Variants in COL4A2 observed in about 807,000 individuals in gnomAD.
COL4A2 encodes the protein collagen type IV alpha 2 chain.
A neutral mutation model predicts 200.2 loss-of-function variants in COL4A2; 99 were observed. That is an observed-to-expected ratio of 0.49 (90% confidence interval 0.42 to 0.58). COL4A2 has a LOEUF of 0.58. COL4A2 is among the 20% of genes least tolerant of loss of function. The pLI, the probability that COL4A2 is intolerant of heterozygous loss-of-function variation, is 0.00. For synonymous variants in COL4A2, 897 were observed against 900.6 expected (o/e 1.00, Z 0.07); for missense variants, 1,950 against 2,314.1 (o/e 0.84, Z 3.23).
rs1189130473 is a variant in COL4A2, at chr13:110,480,388, A to G, written c.2756A>G (p.Lys919Arg). Residue 919 changes from lysine to arginine, a missense_variant and splice_region_variant, in exon 31 of 48, where the codon AAA becomes AGA. Lys to Arg is a conservative substitution (Grantham distance 26). Around this residue, in one of 2 missense-constraint regions of COL4A2, gnomAD observed 1,385 missense variants for 1,720.5 expected, o/e 0.80. Coordinates refer to ENST00000360467, the MANE Select transcript of COL4A2 (RefSeq NM_001846.4). ...GGAATGCCTGGGACCCCCGGGCTAA[A>G]AGGTAATTGTGTGACTGTGACCAGG... ...IDGMPGTPGLKGDRGSPGMDG... is the reference protein window; with the variant it reads ...IDGMPGTPGLRGDRGSPGMDG... 3 of 1,610,618 alleles carry G rather than the reference A, an allele frequency of 1.9e-6. No individual in the cohort carries two copies. The highest frequency in any genetic ancestry group is 2.5e-6 in the Non-Finnish European group (3 of 1,178,572).
At chr13:110,488,536 G>A (rs564401839) in intron 34 of COL4A2, among the ~76,000 whole-genome samples, 9 of 152,274 alleles carry the variant, frequency 5.9e-5, no homozygotes, top group African/African-American at 2.2e-4. Context: ...GTGTCTTTCT[G>A]GAGAAGTCTC....
At chr13:110,493,589 G>A (rs1192317099) in intron 39 of COL4A2, among the ~76,000 whole-genome samples, 1 of 152,178 alleles carries the variant, frequency 6.6e-6, no homozygotes, top group Non-Finnish European at 1.5e-5. Flanking sequence ...AGGGTGGGAT[G>A]CACCTGCGCC....
At chr13:110,492,037 TG>T in intron 37 of COL4A2, 32 bp from the exon 38 acceptor site, 1 of 1,536,500 alleles carries the variant, frequency 6.5e-7, no homozygotes, top group Non-Finnish European at 8.8e-7. Flanking sequence ...AGGTGTCCTG[TG>T]TGCTCAGACT....
intron 4 of COL4A2, among the ~76,000 whole-genome samples, chr13:110,360,958 G>T (rs1877488664): frequency 1.3e-5 from 2 of 152,258 alleles, no homozygotes; most frequent in Admixed American, 1.3e-4. Flanking sequence ...AGTCACTGGA[G>T]TGTGTTAACA....
At chr13:110,430,164 C>G in intron 8 of COL4A2, 1 of 677,506 alleles carries the variant, frequency 1.5e-6, no homozygotes, top group Non-Finnish European at 2.2e-6. Flanking sequence ...TTCCCATATT[C>G]ACAATACTCC....
At chr13:110,509,357 C>T (rs1385164378) in intron 47 of COL4A2, among the ~76,000 whole-genome samples, 2 of 149,444 alleles carry the variant, frequency 1.3e-5, no homozygotes, top group East Asian at 2.0e-4. Context: ...AAAAAAAATC[C>T]GGATTCTAGG....
chr13:110,482,895 A>G (rs919192597), intron 32 of COL4A2, among the ~76,000 whole-genome samples: 1 of 152,226 alleles, frequency 6.6e-6, no homozygotes, highest in Non-Finnish European at 1.5e-5. Context: ...CTTGAGAACC[A>G]AAATGATGGC....
intron 3 of COL4A2, among the ~76,000 whole-genome samples, chr13:110,308,881 G>C (rs1184856354): frequency 6.6e-6 from 1 of 152,218 alleles, no homozygotes; most frequent in African/African-American, 2.4e-5. Flanking sequence ...AAATGAAGAG[G>C]TTTGGTAGGT....
intron 13 of COL4A2, among the ~76,000 whole-genome samples, chr13:110,437,285 A>G (rs1360589972): frequency 6.6e-6 from 1 of 152,176 alleles, no homozygotes; most frequent in Non-Finnish European, 1.5e-5. Flanking sequence ...GCCTCTGTCC[A>G]GCTTCTGGAC....
At chr13:110,327,123 C>T (rs1403729052) in intron 3 of COL4A2, among the ~76,000 whole-genome samples, 1 of 152,198 alleles carries the variant, frequency 6.6e-6, no homozygotes, top group Non-Finnish European at 1.5e-5. Flanking sequence ...CACACACACA[C>T]CCCTCCTGCT....
At position 110,512,426 on chromosome 13, in the gene COL4A2, A is replaced by C; in HGVS notation, c.*235A>C. 4.5e-6 allele frequency: 3 copies of C among 660,706 alleles called. No homozygotes were observed. The highest frequency in any genetic ancestry group is 7.5e-6 in the Non-Finnish European group (3 of 401,226). The allele number at this position is 660,706 out of a possible 1,614,324, so 40.9% of individuals were successfully genotyped here. A position where few individuals can be genotyped will look rare whatever the true frequency, so the allele number is the denominator to read the frequency against. ...AAAGCCAGGAGCAGCCCTGGCCCCC[A>C]TCAGCCCTGCTAGACGCACCGCCTG... On this transcript the variant is annotated 3_prime_UTR_variant, in exon 48 of 48. Coordinates refer to ENST00000360467, the MANE Select transcript of COL4A2 (RefSeq NM_001846.4).
chr13:110,429,817 A>G (rs1880607127), intron 7 of COL4A2, 68 bp from the exon 8 acceptor site: 3 of 1,496,830 alleles, frequency 2.0e-6, no homozygotes, highest in East Asian at 2.3e-5. Flanking sequence ...CCACATTACC[A>G]TAGCTGCACC....
At chr13:110,334,123 T>C (rs2139364670) in intron 3 of COL4A2, among the ~76,000 whole-genome samples, 1 of 152,340 alleles carries the variant, frequency 6.6e-6, no homozygotes, top group African/African-American at 2.4e-5. Flanking sequence ...AGACACGGCC[T>C]GAACACAGAG....
Position 110,485,005 on chromosome 13 carries a change from G to A in COL4A2, c.3003G>A (p.Leu1001=). 1 of 1,605,956 alleles carries A rather than the reference G, an allele frequency of 6.2e-7. No individual in the cohort carries two copies. The part of the protein sequence containing the change: ...GEKGDEGPMG[L]KGYLGAKGIQ... ...AAGGAGATGAAGGGCCTATGGGGCT[G>A]AAAGGATACCTGGGCGCAAAAGGTG... is the stretch of plus-strand genomic sequence containing the variant. The change falls in exon 33 of 48, where the codon CTG becomes CTA. Residue 1001 remains leucine, a synonymous_variant. Coordinates refer to ENST00000360467, the MANE Select transcript of COL4A2 (RefSeq NM_001846.4).
chr13:110,494,660 C>T (rs1032847197), intron 39 of COL4A2, among the ~76,000 whole-genome samples: 10 of 151,070 alleles, frequency 6.6e-5, no homozygotes, highest in Admixed American at 4.6e-4. Flanking sequence ...GCCGAGATCG[C>T]GCCACTGCAC....
At chr13:110,472,790 G>A (rs755181486) in intron 28 of COL4A2, 139 bp from the exon 29 acceptor site, 3 of 703,830 alleles carry the variant, frequency 4.3e-6, no homozygotes, top group Non-Finnish European at 7.3e-6. Flanking sequence ...AGGGCGACAG[G>A]GACAAGGGCT....
At chr13:110,473,326 C>G (rs763634282) in intron 29 of COL4A2, 176 bp downstream of exon 29, 2 of 566,222 alleles carry the variant, frequency 3.5e-6, no homozygotes, top group Non-Finnish European at 6.0e-6. Context: ...TGTCACAACA[C>G]TGTGACTACC....
chr13:110,511,347 A>T (rs1373198399), intron 47 of COL4A2, among the ~76,000 whole-genome samples: 1 of 152,156 alleles, frequency 6.6e-6, no homozygotes, highest in Non-Finnish European at 1.5e-5. Flanking sequence ...CACAAGTAAT[A>T]CATATTTATT....
chr13:110,384,740 C>T (rs193196806), intron 4 of COL4A2, among the ~76,000 whole-genome samples: 86 of 152,320 alleles, frequency 5.6e-4, no homozygotes, highest in African/African-American at 2.0e-3. Context: ...CCTTAGCACC[C>T]TCCAAAGCCA....
Sources: gnomAD v4.1 joint callset for allele counts (sites outside exome capture counted in the v4.1 genomes callset) on GRCh38, gnomAD v4.1.1 for gene constraint, gnomAD v4.1.1 regional missense constraint, MANE v1.5 for transcripts, NCBI Gene and HGNC (gene_info 2026-07-23, HGNC 2026-07-21) for gene names.